The following CAMSAP2 variants were observed in gnomAD, a reference collection of about 807,000 sequenced individuals.
CAMSAP2 encodes calmodulin regulated spectrin associated protein family member 2, also known as calmodulin-regulated spectrin-associated protein 2.
Under a neutral mutation model 146.1 loss-of-function variants are expected in CAMSAP2, and 26 were observed. The ratio of observed to expected loss-of-function variants is 0.18; its 90% CI spans 0.13 to 0.25. The LOEUF (loss-of-function observed/expected upper bound fraction) is 0.25. Among genes scored for constraint, CAMSAP2 ranks in the 10% least tolerant of loss-of-function variants. CAMSAP2 has a pLI of 1.00. For missense variants in CAMSAP2, 1,381 were observed against 1,759.3 expected (o/e 0.78, Z 3.85); for synonymous variants, 499 against 596.6 (o/e 0.84, Z 2.38).
chr1:200,814,342 C>T (rs1666419364), intron 3 of CAMSAP2, among the ~76,000 whole-genome samples: 1 of 151,986 alleles, frequency 6.6e-6, no homozygotes, highest in African/African-American at 2.4e-5. Context: ...CATGGTGGCT[C>T]ATGCCTTTAA....
intron 2 of CAMSAP2, among the ~76,000 whole-genome samples, chr1:200,770,006 G>A (rs574035829): frequency 1.3e-5 from 2 of 152,278 alleles, no homozygotes; most frequent in South Asian, 4.2e-4. Flanking sequence ...TAGAAGTTAT[G>A]AACCAGGAAC....
intron 2 of CAMSAP2, among the ~76,000 whole-genome samples, chr1:200,775,391 A>G (rs1665242577): frequency 6.6e-6 from 1 of 152,190 alleles, no homozygotes; most frequent in South Asian, 2.1e-4. Flanking sequence ...TTTATTGTGA[A>G]TGTGCAAGGA....
At chr1:200,809,605 C>T (rs115009112) in intron 3 of CAMSAP2, among the ~76,000 whole-genome samples, 3,725 of 152,214 alleles carry the variant, frequency 0.024, 161 homozygotes, top group African/African-American at 0.083. Context: ...GTGGCAGATG[C>T]CAGTAATCCC....
In CAMSAP2 at chr1:200,813,868, G is replaced by A. The variant is rs139534602; in HGVS notation, c.562-1693G>A. Among the ~76,000 whole-genome samples the A allele has an allele frequency of 1.7e-3, 259 of 152,050 alleles. 4 individuals carry two copies. The highest frequency in any genetic ancestry group is 8.4e-3 in the Admixed American group (128 of 15,284). On this transcript the variant is annotated intron_variant, in intron 3 of 16. Transcript: ENST00000358823. ...AATCCCAACACTTTCGGAGGCTGAG[G>A]CAGGTGGATTGCTTGAGTCCAGGAG...
rs796202550 is a variant in CAMSAP2 at position 200,817,250 on chromosome 1, A to ATATG, written c.645+1607_645+1608insATGT. On this transcript the variant is annotated intron_variant, in intron 4 of 16. Coordinates refer to ENST00000358823, the MANE Select transcript of CAMSAP2 (RefSeq NM_203459.4). ...TGTGTATATACACACATACACACAT[A>ATATG]TGTGTGTGTATATACACACATATAT... Among the ~76,000 whole-genome samples the ATATG allele has an allele frequency of 0.01, 107 of 10,590 alleles. 4 individuals carry two copies. In the South Asian group the frequency reaches 0.23, roughly 23 times the overall value. 6.9% of individuals were successfully genotyped at this position (10,590 alleles called of 152,430 possible).
intron 4 of CAMSAP2, among the ~76,000 whole-genome samples, chr1:200,825,509 C>CTTT (rs750646682): frequency 1.4e-5 from 2 of 141,720 alleles, no homozygotes; most frequent in Non-Finnish European, 3.1e-5. Flanking sequence ...TTCTTTCTTC[C>CTTT]TTTTTTTTTT....
chr1:200,843,664 C>T (rs1481767153), intron 7 of CAMSAP2, among the ~76,000 whole-genome samples: 1 of 152,074 alleles, frequency 6.6e-6, no homozygotes, highest in Non-Finnish European at 1.5e-5. Flanking sequence ...GAGTCTTCCT[C>T]CAGAGTTACT....
chr1:200,793,428 T>C (rs975724459), intron 2 of CAMSAP2, among the ~76,000 whole-genome samples: 2 of 152,196 alleles, frequency 1.3e-5, no homozygotes, highest in Non-Finnish European at 2.9e-5. Context: ...ACTGAGTTAC[T>C]AGGAAAAATG....
chr1:200,774,825 T>C (rs559922611), intron 2 of CAMSAP2, among the ~76,000 whole-genome samples: 1 of 152,338 alleles, frequency 6.6e-6, no homozygotes, highest in East Asian at 1.9e-4. Flanking sequence ...ACTAAGAATT[T>C]CCTGGAGGGA....
intron 1 of CAMSAP2, among the ~76,000 whole-genome samples, chr1:200,747,086 A>G (rs1233266450): frequency 6.6e-6 from 1 of 151,980 alleles, no homozygotes; most frequent in African/African-American, 2.4e-5. Flanking sequence ...TTTTGTAGAG[A>G]TAGGGTCTCA....
At chr1:200,770,417 A>C (rs925447676) in intron 2 of CAMSAP2, among the ~76,000 whole-genome samples, 1 of 144,794 alleles carries the variant, frequency 6.9e-6, no homozygotes, top group Non-Finnish European at 1.5e-5. Flanking sequence ...TCCCCCTACT[A>C]TTTCTTTTTT....
In CAMSAP2 at chr1:200,854,903, G is replaced by T. The variant is rs776160613; in HGVS notation, c.3896+14G>T. On this transcript the variant is annotated intron_variant, in intron 14 of 16. Transcript: ENST00000358823. Reference sequence around the variant, plus strand: ...GAGGACGCCAAGGTAAATCTATAACGTATGAATATTTTTACAGAAAAGAAT... The same window carrying T: ...GAGGACGCCAAGGTAAATCTATAACTTATGAATATTTTTACAGAAAAGAAT... 3 of 1,579,754 alleles carry T rather than the reference G, an allele frequency of 1.9e-6. No individual in the cohort carries two copies. Among genetic ancestry groups the T allele is most frequent in the Non-Finnish European group, 1.7e-6 (2 of 1,156,210 alleles).
At chr1:200,758,713 T>G (rs1228446870) in intron 1 of CAMSAP2, among the ~76,000 whole-genome samples, 2 of 152,238 alleles carry the variant, frequency 1.3e-5, no homozygotes, top group African/African-American at 2.4e-5. Flanking sequence ...TTTTTGATCT[T>G]GCTTTTAGAA....
Position 200,857,952 on chromosome 1 carries a change from C to T in CAMSAP2, c.4330C>T (p.Pro1444Ser). The T allele has an allele frequency of 6.2e-7, 1 of 1,613,842 alleles. No homozygotes were observed. The highest frequency in any genetic ancestry group is 8.5e-7 in the Non-Finnish European group (1 of 1,179,824). Residue 1444 changes from proline (P) to serine (S), a missense_variant, in exon 17 of 17, where the codon CCC (proline) becomes TCC (serine). Transcript: ENST00000358823. The surrounding 1 kb of genome is among the most constrained non-coding windows in gnomAD (Gnocchi z 4.7). ...NSDRKQFSHI[P>S]AKTLSASVDA... Reference sequence around the variant, plus strand: ...TGACAGGAAACAGTTTAGCCACATACCCGCTAAAACTTTATCTGCCAGTGT... The same window carrying T: ...TGACAGGAAACAGTTTAGCCACATATCCGCTAAAACTTTATCTGCCAGTGT...
intron 2 of CAMSAP2, among the ~76,000 whole-genome samples, chr1:200,773,940 AAT>A (rs998316371): frequency 1.5e-5 from 2 of 133,582 alleles, no homozygotes; most frequent in African/African-American, 5.8e-5. Flanking sequence ...AATAAAATAA[AAT>A]AAAATAAAAT....
At chr1:200,808,544 T>C (rs1386768116) in intron 3 of CAMSAP2, among the ~76,000 whole-genome samples, 1 of 152,236 alleles carries the variant, frequency 6.6e-6, no homozygotes. Flanking sequence ...ATCAGTATCA[T>C]TGTAGAAGGA....
chr1:200,761,144 CTT>C, intron 2 of CAMSAP2, 46 bp downstream of exon 2: 1 of 1,547,744 alleles, frequency 6.5e-7, no homozygotes, highest in Non-Finnish European at 8.9e-7. Flanking sequence ...GAAGTGTGTA[CTT>C]TTGAGTGTGA....
chr1:200,744,203 A>G (rs1399580165), intron 1 of CAMSAP2, among the ~76,000 whole-genome samples: 1 of 152,202 alleles, frequency 6.6e-6, no homozygotes, highest in Non-Finnish European at 1.5e-5. Context: ...ACTTGTAACT[A>G]CTGTTCTCTA....
In CAMSAP2 at chr1:200,848,114, A is replaced by T. The variant is rs1394951300; in HGVS notation, c.1345A>T (p.Thr449Ser). ...VQRSTPNRGI[T>S]RSISNEGLTL... The stretch of plus-strand genomic sequence containing the variant: ...GAGATCCACTCCAAACCGAGGAATC[A>T]CTCGTTCTATTAGTAATGAAGGACT... Residue 449 changes from threonine (T) to serine (S), a missense_variant, in exon 11 of 17, where the codon ACT (threonine) becomes TCT (serine). By Grantham distance (58) the Thr-to-Ser change is moderately conservative. This residue lies in a region of CAMSAP2 where 447 missense variants were observed against 462.2 expected (regional missense o/e 0.97). Transcript: ENST00000358823. The T allele has an allele frequency of 6.2e-7, 1 of 1,610,872 alleles. No individual in the cohort carries two copies. Among genetic ancestry groups the T allele is most frequent in the East Asian group, 2.2e-5 (1 of 44,844 alleles).
Sources: allele counts gnomAD v4.1 joint callset (sites outside exome capture counted in the v4.1 genomes callset), GRCh38; gene constraint gnomAD v4.1.1; regional missense constraint gnomAD v4.1.1; non-coding constraint Gnocchi (gnomAD v3.1); transcripts MANE v1.5; gene names NCBI Gene and HGNC (gene_info 2026-07-23, HGNC 2026-07-21).